The following DHX15 variants were observed in gnomAD, a reference collection of about 807,000 sequenced individuals.
The protein encoded by DHX15 is ATP-dependent RNA helicase DHX15.
DHX15 carries 11 observed loss-of-function variants against 94.4 expected under a neutral mutation model. The ratio of observed to expected loss-of-function variants is 0.12; its 90% CI spans 0.07 to 0.19. The LOEUF (loss-of-function observed/expected upper bound fraction) is 0.19, where lower values mean the gene tolerates loss of function less well. Among genes scored for constraint, DHX15 ranks in the 10% least tolerant of loss-of-function variants. The probability of loss-of-function intolerance (pLI) is 1.00; values close to 1 mark genes in which losing one functional copy is unlikely to be tolerated. For missense variants in DHX15, 304 were observed against 988.5 expected (o/e 0.31, Z 9.29); for synonymous variants, 338 against 329.9 (o/e 1.02, Z -0.27).
chr4:24,529,958 C>T (rs938106456), intron 12 of DHX15, 188 bp from the exon 13 acceptor site: 10 of 614,544 alleles, frequency 1.6e-5, no homozygotes, highest in Admixed American at 3.1e-5. Flanking sequence ...AACTCATAGC[C>T]TCTATTTGTA....
At chr4:24,530,931 G>C (rs2109391066) in intron 12 of DHX15, 1 of 152,162 alleles carries the variant, frequency 6.6e-6, no homozygotes, top group Non-Finnish European at 1.5e-5. Context: ...AAAGAGATAG[G>C]GTTTTCCTAT....
intron 1 of DHX15, among the ~76,000 whole-genome samples, chr4:24,583,844 T>G (rs903745117): frequency 2.0e-5 from 3 of 151,966 alleles, no homozygotes; most frequent in African/African-American, 7.3e-5. Flanking sequence ...CCTCCGCCTT[T>G]CCCGTCTGGA....
chr4:24,576,156 A>G (rs1722263008), intron 2 of DHX15, 87 bp downstream of exon 2: 1 of 1,059,550 alleles, frequency 9.4e-7, no homozygotes, highest in Admixed American at 2.1e-5. Context: ...TAGGACAGAC[A>G]AGGGAAATGA....
intron 5 of DHX15, among the ~76,000 whole-genome samples, chr4:24,551,990 G>A (rs1721617601): frequency 1.3e-5 from 2 of 152,132 alleles, no homozygotes; most frequent in African/African-American, 4.8e-5. Context: ...GGATATAAAG[G>A]CATCTCTAAA....
chr4:24,555,138 GAAA>G (rs747408782), intron 4 of DHX15, among the ~76,000 whole-genome samples, 195 bp from the exon 5 acceptor site: 1 of 151,152 alleles, frequency 6.6e-6, no homozygotes. Context: ...TAAAAATTTA[GAAA>G]AAAAATAAAT....
intron 1 of DHX15, among the ~76,000 whole-genome samples, chr4:24,583,668 CA>C (rs1722526579): frequency 6.6e-6 from 1 of 152,194 alleles, no homozygotes; most frequent in Non-Finnish European, 1.5e-5. Context: ...CGCCCCAAAA[CA>C]CCAGCCTTCC....
chr4:24,542,658 A>G (rs929534998), intron 7 of DHX15, among the ~76,000 whole-genome samples: 1 of 152,084 alleles, frequency 6.6e-6, no homozygotes, highest in Non-Finnish European at 1.5e-5. Flanking sequence ...TACTAAACCC[A>G]TACTGTTAAA....
chr4:24,558,007 C>T (rs1721777148), intron 3 of DHX15, among the ~76,000 whole-genome samples: 1 of 150,904 alleles, frequency 6.6e-6, no homozygotes, highest in Admixed American at 6.6e-5. Flanking sequence ...ATTGGTTACT[C>T]TTCCAACATT....
At chr4:24,547,497 AAAG>A (rs1213135115) in intron 6 of DHX15, among the ~76,000 whole-genome samples, 6 of 152,222 alleles carry the variant, frequency 3.9e-5, no homozygotes, top group East Asian at 1.9e-4. Flanking sequence ...CATATATCTC[AAAG>A]AAGAACTCAA....
chr4:24,554,432 G>A (rs557142526), intron 5 of DHX15, among the ~76,000 whole-genome samples: 4 of 152,278 alleles, frequency 2.6e-5, no homozygotes, highest in South Asian at 2.1e-4. Flanking sequence ...GCACATTCAT[G>A]CTTCAGCATA....
chr4:24,534,698 T>TA (rs1327656804), intron 11 of DHX15, among the ~76,000 whole-genome samples: 1 of 152,104 alleles, frequency 6.6e-6, no homozygotes, highest in African/African-American at 2.4e-5. Flanking sequence ...TTTCAAAGGG[T>TA]TATTTACATA....
chr4:24,578,264 T>C (rs1306143614), intron 1 of DHX15, among the ~76,000 whole-genome samples: 1 of 152,226 alleles, frequency 6.6e-6, no homozygotes, highest in Non-Finnish European at 1.5e-5. Flanking sequence ...TTCTGAAATA[T>C]GCCATCAACT....
chr4:24,562,645 C>G (rs962293418), intron 3 of DHX15, among the ~76,000 whole-genome samples: 1 of 152,196 alleles, frequency 6.6e-6, no homozygotes, highest in Admixed American at 6.5e-5. Context: ...CCATGTAACT[C>G]ATAAATCCTT....
intron 2 of DHX15, among the ~76,000 whole-genome samples, chr4:24,574,005 G>A (rs1471180645): frequency 1.3e-5 from 2 of 150,968 alleles, no homozygotes; most frequent in Non-Finnish European, 2.9e-5. Context: ...AGACCAGCCT[G>A]GCCAACAGGG....
intron 1 of DHX15, 102 bp downstream of exon 1, chr4:24,584,221 C>T (rs1722552687): frequency 8.2e-7 from 1 of 1,224,374 alleles, no homozygotes; most frequent in Admixed American, 2.2e-5. Flanking sequence ...GAAACAAAGG[C>T]TCGGGCTCCA....
intron 2 of DHX15, among the ~76,000 whole-genome samples, chr4:24,571,243 G>C (rs966385253): frequency 5.0e-4 from 76 of 152,164 alleles, no homozygotes; most frequent in African/African-American, 1.8e-3. Flanking sequence ...ATACCCCCTT[G>C]TAACTCTGAA....
At chr4:24,577,286 A>G (rs1330840054) in intron 1 of DHX15, among the ~76,000 whole-genome samples, 2 of 152,222 alleles carry the variant, frequency 1.3e-5, no homozygotes, top group Admixed American at 6.5e-5. Context: ...GTACAATGTT[A>G]TACCTGTCAA....
In DHX15 at chr4:24,541,861, AATACCCC is replaced by A; in HGVS notation, c.1485+5_1485+11del. 6.4e-7 allele frequency: 1 copy of A among 1,554,752 alleles called. No individual in the cohort carries two copies. Among genetic ancestry groups the A allele is most frequent in the Non-Finnish European group, 8.8e-7 (1 of 1,142,784 alleles). The stretch of plus-strand genomic sequence containing the variant: ...TTTAAACATATCGGCAGGAAACGAC[AATACCCC>A]ATACCTGCATTTCTGTTTTATAAGC... On this transcript the variant is annotated splice_donor_5th_base_variant and intron_variant, in intron 8 of 13. Coordinates refer to ENST00000336812, the MANE Select transcript of DHX15 (RefSeq NM_001358.3).
intron 3 of DHX15, among the ~76,000 whole-genome samples, chr4:24,561,798 A>G (rs1721877647): frequency 6.6e-6 from 1 of 152,134 alleles, no homozygotes; most frequent in Non-Finnish European, 1.5e-5. Context: ...TGGGAAGAGA[A>G]AGAGAATCAG....
Sources: allele counts gnomAD v4.1 joint callset (sites outside exome capture counted in the v4.1 genomes callset), GRCh38; gene constraint gnomAD v4.1.1; transcripts MANE v1.5; gene names NCBI Gene and HGNC (gene_info 2026-07-23, HGNC 2026-07-21).